AGBL1: variants seen among roughly 807,000 people sequenced by gnomAD.
AGBL1 encodes the protein AGBL carboxypeptidase 1.
A neutral mutation model predicts 118.9 loss-of-function variants in AGBL1; 130 were observed. That is an observed-to-expected ratio of 1.09 (90% confidence interval 0.95 to 1.26). The LOEUF is 1.26. AGBL1 is among the 50% of genes most tolerant of loss of function. AGBL1 has a pLI of 0.00. For missense variants in AGBL1, 1,584 were observed against 1,298.1 expected, an observed-to-expected ratio of 1.22 and a Z score of -3.38; for synonymous variants, 555 against 478.9, an observed-to-expected ratio of 1.16 and a Z score of -2.08.
intron 21 of AGBL1, among the ~76,000 whole-genome samples, chr15:86,576,247 G>A (rs1279064642): frequency 1.3e-5 from 2 of 152,152 alleles, no homozygotes; most frequent in Non-Finnish European, 2.9e-5. Flanking sequence ...AGCACTTAGA[G>A]TGTTGTTAAA....
chr15:86,160,828 G>C (rs1567095459), intron 5 of AGBL1, among the ~76,000 whole-genome samples: 1 of 152,078 alleles, frequency 6.6e-6, no homozygotes. Context: ...TGTTTGGAAG[G>C]CTCCCCTAGG....
At chr15:86,312,319 C>T (rs908484844) in intron 17 of AGBL1, 2 of 152,202 alleles carry the variant, frequency 1.3e-5, no homozygotes, top group African/African-American at 4.8e-5. Context: ...GTTGTTTGGC[C>T]AGACAGGAGA....
intron 21 of AGBL1, among the ~76,000 whole-genome samples, chr15:86,645,210 A>T (rs1211543602): frequency 1.3e-5 from 2 of 152,204 alleles, no homozygotes; most frequent in African/African-American, 4.8e-5. Context: ...GGATACATTT[A>T]GGAGTCAAAT....
At chr15:86,515,653 TG>T (rs1184527102) in intron 18 of AGBL1, among the ~76,000 whole-genome samples, 1 of 152,210 alleles carries the variant, frequency 6.6e-6, no homozygotes, top group Admixed American at 6.5e-5. Context: ...AAATGTCAGC[TG>T]GTTGCAATGG....
At chr15:86,600,384 A>G (rs1028845893) in intron 21 of AGBL1, among the ~76,000 whole-genome samples, 2 of 152,178 alleles carry the variant, frequency 1.3e-5, no homozygotes, top group African/African-American at 4.8e-5. Context: ...CAGGTGGTAC[A>G]TGTTCATGGT....
intron 22 of AGBL1, among the ~76,000 whole-genome samples, chr15:86,830,010 T>C (rs1421955613): frequency 1.3e-5 from 2 of 152,176 alleles, no homozygotes; most frequent in Non-Finnish European, 2.9e-5. Flanking sequence ...TTGAGAATGA[T>C]TTAATACCGT....
chr15:86,393,114 G>A (rs759182867), intron 17 of AGBL1, among the ~76,000 whole-genome samples: 1 of 152,166 alleles, frequency 6.6e-6, no homozygotes, highest in Non-Finnish European at 1.5e-5. Flanking sequence ...TACTGCTTAT[G>A]TCTTCATGAG....
rs145415771 is a variant in AGBL1 at position 86,865,445 on chromosome 15, C to T, written c.3159-41642C>T. Among the ~76,000 whole-genome samples, 537 of 152,276 alleles carry T rather than the reference C, an allele frequency of 3.5e-3. 3 individuals are homozygous for T. Among genetic ancestry groups the T allele is most frequent in the Non-Finnish European group, 6.5e-3 (443 of 68,012 alleles). On this transcript the variant is annotated intron_variant, in intron 22 of 22. Transcript: ENST00000614907. The stretch of plus-strand genomic sequence containing the variant: ...AAACTGAGCACTTCAGAAACACAGG[C>T]CCTTGGCATAATTGGACCGGAGGAG...
chr15:86,250,247 G>A (rs2078789756), intron 7 of AGBL1, among the ~76,000 whole-genome samples: 3 of 151,944 alleles, frequency 2.0e-5, no homozygotes, highest in Admixed American at 6.6e-5. Context: ...GCTCTTGGCC[G>A]GGAGTGGTGG....
At chr15:86,416,924 A>G (rs2081704064) in intron 18 of AGBL1, among the ~76,000 whole-genome samples, 2 of 152,232 alleles carry the variant, frequency 1.3e-5, no homozygotes, top group South Asian at 4.1e-4. Context: ...CTTCCATTCC[A>G]GTGATATGCA....
At chr15:86,612,973 T>A (rs989077505) in intron 21 of AGBL1, among the ~76,000 whole-genome samples, 2 of 152,212 alleles carry the variant, frequency 1.3e-5, no homozygotes, top group African/African-American at 4.8e-5. Context: ...CTTCAAGATG[T>A]CTTGCCTTTC....
rs569690434 is a variant in AGBL1, at chr15:86,487,248, C to T, written c.2556-35562C>T. Among the ~76,000 whole-genome samples, 11 of 152,074 alleles carry T rather than the reference C, an allele frequency of 7.2e-5. No homozygotes were observed. In the East Asian group the frequency reaches 7.8e-4, roughly 11 times the overall value. On this transcript the variant is annotated intron_variant, in intron 18 of 22. Coordinates refer to ENST00000614907, the MANE Select transcript of AGBL1 (RefSeq NM_001386094.1). ...CGTTCATCCAGAAACAAGCTCAGTC[C>T]GCATGAAAACTTCTCTCTTCCTATT...
chr15:86,397,463 T>C lies in AGBL1; in HGVS notation c.2472T>C (p.Ser824=). Residue 824 remains serine (S), a synonymous_variant, in exon 18 of 23, where the codon AGT becomes AGC. Transcript: ENST00000614907. ...GTACCTTGGAGTTCCTGGTCAGCAGTGACCCTGTGGCTAGGCTCTTGAGGG... is the reference window on the plus strand; with the variant it reads ...GTACCTTGGAGTTCCTGGTCAGCAGCGACCCTGTGGCTAGGCTCTTGAGGG... ...MKGTLEFLVS[S]DPVARLLREN... 3 of 1,613,142 alleles carry C rather than the reference T, an allele frequency of 1.9e-6. No individual in the cohort carries two copies.
intron 5 of AGBL1, among the ~76,000 whole-genome samples, chr15:86,199,657 T>G (rs2077872257): frequency 6.6e-6 from 1 of 152,328 alleles, no homozygotes; most frequent in East Asian, 1.9e-4. Flanking sequence ...TATTTCATCT[T>G]GGATGAACTC....
chr15:86,544,913 T>C (rs985640551), intron 19 of AGBL1, among the ~76,000 whole-genome samples: 3 of 152,200 alleles, frequency 2.0e-5, no homozygotes, highest in African/African-American at 4.8e-5. Context: ...GATTTTATTA[T>C]TTTTCTCCAT....
chr15:86,283,960 C>G (rs2079397921), intron 16 of AGBL1, among the ~76,000 whole-genome samples: 1 of 151,992 alleles, frequency 6.6e-6, no homozygotes, highest in Non-Finnish European at 1.5e-5. Flanking sequence ...CTTCTCTTAG[C>G]CTCGGTTTTC....
At chr15:86,717,227 G>A (rs1211092900) in intron 22 of AGBL1, among the ~76,000 whole-genome samples, 4 of 152,022 alleles carry the variant, frequency 2.6e-5, no homozygotes, top group Non-Finnish European at 5.9e-5. Flanking sequence ...AGAAGGAGTG[G>A]GGTAGCACTT....
chr15:86,902,537 T>G (rs2080225830), intron 22 of AGBL1, among the ~76,000 whole-genome samples: 1 of 152,178 alleles, frequency 6.6e-6, no homozygotes, highest in Non-Finnish European at 1.5e-5. Context: ...TAAAAATTTC[T>G]TTTTATTATT....
In AGBL1 at chr15:86,591,389, G is replaced by A. The variant is rs552219747; in HGVS notation, c.2994+36852G>A. ...ATAGTGCCAGATGCCACAGATCAAG[G>A]GCTCAGTCCCCAGGAATGCCCTTGG... On this transcript the variant is annotated intron_variant, in intron 21 of 22. Transcript: ENST00000614907. Among the ~76,000 whole-genome samples, 10 of 152,198 alleles carry A rather than the reference G, an allele frequency of 6.6e-5. No homozygotes were observed. The South Asian group carries it at 1.5e-3, about 22-fold the overall frequency.
Sources: allele counts gnomAD v4.1 joint callset (sites outside exome capture counted in the v4.1 genomes callset), GRCh38; gene constraint gnomAD v4.1.1; transcripts MANE v1.5; gene names NCBI Gene and HGNC (gene_info 2026-07-23, HGNC 2026-07-21).